The following LRP1B variants were observed in gnomAD, a reference collection of about 807,000 sequenced individuals.
The protein encoded by LRP1B is LDL receptor related protein 1B.
A neutral mutation model predicts 556.6 loss-of-function variants in LRP1B; 217 were observed. The ratio of observed to expected loss-of-function variants is 0.39; its 90% CI spans 0.35 to 0.44. The LOEUF is 0.44. Ranked by LOEUF, LRP1B falls within the 20% of genes least tolerant of loss-of-function variation. The pLI is 1.00. For missense variants in LRP1B, 5,053 were observed against 5,620.8 expected (o/e 0.90, Z 3.23); for synonymous variants, 2,047 against 1,865.8 (o/e 1.10, Z -2.50).
chr2:141,735,258 T>C (rs1693421062), intron 2 of LRP1B, among the ~76,000 whole-genome samples: 1 of 148,384 alleles, frequency 6.7e-6, no homozygotes, highest in Non-Finnish European at 1.5e-5. Flanking sequence ...GAAGAAGGGG[T>C]GTGGAAAGGA....
At chr2:140,860,503 A>G (rs1482690014) in intron 27 of LRP1B, among the ~76,000 whole-genome samples, 3 of 152,242 alleles carry the variant, frequency 2.0e-5, no homozygotes, top group African/African-American at 7.2e-5. Context: ...TCCTGCAAAA[A>G]TAGTACTATT....
At chr2:141,299,644 T>A (rs963282788) in intron 3 of LRP1B, among the ~76,000 whole-genome samples, 1 of 152,202 alleles carries the variant, frequency 6.6e-6, no homozygotes, top group Non-Finnish European at 1.5e-5. Flanking sequence ...ACGGACTGTC[T>A]CAGAAAAGGA....
At chr2:140,310,402 T>C (rs111606179) in intron 83 of LRP1B, among the ~76,000 whole-genome samples, 2,395 of 135,518 alleles carry the variant, frequency 0.018, 73 homozygotes, top group African/African-American at 0.063. Context: ...AATCCTAAAA[T>C]TCATACGGAA....
At chr2:141,139,576 T>C (rs1169298931) in intron 7 of LRP1B, among the ~76,000 whole-genome samples, 2 of 151,196 alleles carry the variant, frequency 1.3e-5, no homozygotes, top group Non-Finnish European at 3.0e-5. Context: ...GAATGGCAAA[T>C]AAGGACATGA....
chr2:141,197,136 A>T (rs1381411573), intron 6 of LRP1B, among the ~76,000 whole-genome samples: 1 of 152,150 alleles, frequency 6.6e-6, no homozygotes, highest in Non-Finnish European at 1.5e-5. Context: ...TAAATTATCC[A>T]GTCTCAGGTA....
At chr2:140,744,054 G>A (rs774792685) in intron 35 of LRP1B, among the ~76,000 whole-genome samples, 1 of 147,558 alleles carries the variant, frequency 6.8e-6, no homozygotes, top group Non-Finnish European at 1.5e-5. Flanking sequence ...AGAGGAATGA[G>A]AAGATGTTAA....
At chr2:141,619,560 T>C (rs1239396800) in intron 2 of LRP1B, among the ~76,000 whole-genome samples, 1 of 152,198 alleles carries the variant, frequency 6.6e-6, no homozygotes, top group Admixed American at 6.5e-5. Context: ...TTCATTTAAA[T>C]ATGTACTAGG....
At chr2:140,895,822 G>A (rs199824442) in intron 23 of LRP1B, among the ~76,000 whole-genome samples, 8 of 152,104 alleles carry the variant, frequency 5.3e-5, no homozygotes, top group South Asian at 2.1e-4. Context: ...AGGTCCCACC[G>A]TCAAGCCATC....
At chr2:140,483,369 C>A (rs1688317857) in intron 59 of LRP1B, among the ~76,000 whole-genome samples, 1 of 151,566 alleles carries the variant, frequency 6.6e-6, no homozygotes, top group Admixed American at 6.6e-5. Context: ...AAACCTAAAG[C>A]TATTAATAGA....
At chr2:140,915,398 C>G (rs1694544142) in intron 21 of LRP1B, among the ~76,000 whole-genome samples, 1 of 151,730 alleles carries the variant, frequency 6.6e-6, no homozygotes, top group Non-Finnish European at 1.5e-5. Flanking sequence ...CCTCTAATCC[C>G]AGCACTTTGG....
chr2:140,598,573 CAT>C (rs1231746596), intron 43 of LRP1B, 56 bp downstream of exon 43: 1 of 1,310,010 alleles, frequency 7.6e-7, no homozygotes, highest in Non-Finnish European at 1.1e-6. Context: ...GTATAAATCA[CAT>C]GTTTTAAATA....
At position 140,764,561 on chromosome 2, in the gene LRP1B, G is replaced by A. The variant is rs570312369; in HGVS notation, c.5758+4652C>T. Among the ~76,000 whole-genome samples, 13 of 152,260 alleles carry A rather than the reference G, an allele frequency of 8.5e-5. No individual in the cohort carries two copies. The South Asian group carries it at 2.5e-3, about 29-fold the overall frequency. On this transcript the variant is annotated intron_variant, in intron 35 of 90. Transcript: ENST00000389484. ...AAAGAGGGATTCTTTCATATAAACAGATGACATTCACTGTATAAACGTGGC... is the reference window on the plus strand; with the variant it reads ...AAAGAGGGATTCTTTCATATAAACAAATGACATTCACTGTATAAACGTGGC...
At chr2:141,621,038 T>C (rs956181078) in intron 2 of LRP1B, among the ~76,000 whole-genome samples, 2 of 152,214 alleles carry the variant, frequency 1.3e-5, no homozygotes, top group African/African-American at 4.8e-5. Context: ...AGCATGATGC[T>C]TTTTATTTAC....
At chr2:141,486,617 C>T (rs1311385041) in intron 2 of LRP1B, among the ~76,000 whole-genome samples, 1 of 152,042 alleles carries the variant, frequency 6.6e-6, no homozygotes, top group Non-Finnish European at 1.5e-5. Context: ...CTACCTTACA[C>T]GGTATTATAT....
chr2:141,222,776 G>A (rs300391), intron 6 of LRP1B, among the ~76,000 whole-genome samples: 109,440 of 152,020 alleles, frequency 0.72, 39,997 homozygotes, highest in East Asian at 0.97. Context: ...AAACAGAACC[G>A]AAGGCAAAAA....
chr2:141,035,108 C>CAA (rs1698492585), intron 11 of LRP1B, among the ~76,000 whole-genome samples: 1 of 148,260 alleles, frequency 6.7e-6, no homozygotes, highest in African/African-American at 2.5e-5. Context: ...ATCGCAAGGA[C>CAA]AAAATCAAAC....
At chr2:140,971,876 C>A (rs1177671880) in intron 18 of LRP1B, among the ~76,000 whole-genome samples, 1 of 152,144 alleles carries the variant, frequency 6.6e-6, no homozygotes, top group Admixed American at 6.5e-5. Context: ...TCCGAAAATA[C>A]AGATTCCTGG....
intron 35 of LRP1B, among the ~76,000 whole-genome samples, chr2:140,748,577 T>C (rs1688429333): frequency 1.1e-5 from 1 of 88,930 alleles, no homozygotes; most frequent in Non-Finnish European, 2.1e-5. Flanking sequence ...AACATAGTTA[T>C]ACATATACAG....
At chr2:141,465,106 C>G (rs1490609385) in intron 3 of LRP1B, among the ~76,000 whole-genome samples, 1 of 151,302 alleles carries the variant, frequency 6.6e-6, no homozygotes, top group Non-Finnish European at 1.5e-5. Flanking sequence ...TTAAATAAAA[C>G]AGAAAGAAAG....
Sources: allele counts gnomAD v4.1 joint callset (sites outside exome capture counted in the v4.1 genomes callset), GRCh38; gene constraint gnomAD v4.1.1; transcripts MANE v1.5; gene names NCBI Gene and HGNC (gene_info 2026-07-23, HGNC 2026-07-21).